NAALADL2: variants seen among roughly 807,000 people sequenced by gnomAD.
The protein encoded by NAALADL2 is N-acetylated alpha-linked acidic dipeptidase like 2.
Under a neutral mutation model 87.2 loss-of-function variants are expected in NAALADL2, and 76 were observed. That is an observed-to-expected ratio of 0.87 (90% confidence interval 0.72 to 1.05). The LOEUF (loss-of-function observed/expected upper bound fraction) is 1.05, where lower values mean the gene tolerates loss of function less well. Ranked by LOEUF, NAALADL2 falls within the 50% of genes least tolerant of loss-of-function variation. The pLI, the probability that NAALADL2 is intolerant of heterozygous loss-of-function variation, is 0.00. For synonymous variants in NAALADL2, 354 were observed against 331.0 expected (o/e 1.07, Z -0.75); for missense variants, 1,089 against 945.8 (o/e 1.15, Z -1.99).
chr3:174,654,143 C>A (rs376081726), intron 2 of NAALADL2, among the ~76,000 whole-genome samples: 1 of 151,340 alleles, frequency 6.6e-6, no homozygotes, highest in African/African-American at 2.4e-5. Context: ...GGCTAAATTT[C>A]TCTTGGCATA....
rs981115970 is a variant in NAALADL2 at position 175,364,321 on chromosome 3, A to G, written c.1090+39996A>G. 6.1e-5 allele frequency among the ~76,000 whole-genome samples: 9 copies of G among 147,838 alleles called. 2 individuals are homozygous for G. The highest frequency in any genetic ancestry group is 1.2e-4 in the Non-Finnish European group (8 of 66,496). Reference sequence around the variant, plus strand: ...AAAAGAACAGTTCCACTTTAAGACCATCAGTGGTGAATACTGAAAATCAAA... The same window carrying G: ...AAAAGAACAGTTCCACTTTAAGACCGTCAGTGGTGAATACTGAAAATCAAA... On this transcript the variant is annotated intron_variant, in intron 5 of 13. Coordinates refer to ENST00000454872, the MANE Select transcript of NAALADL2 (RefSeq NM_207015.3).
chr3:174,693,936 G>T (rs1367786917), intron 2 of NAALADL2, among the ~76,000 whole-genome samples: 1 of 152,104 alleles, frequency 6.6e-6, no homozygotes, highest in African/African-American at 2.4e-5. Context: ...GAATATCAAA[G>T]AATCCATTTG....
At chr3:174,972,689 T>C (rs149967127) in intron 1 of NAALADL2, among the ~76,000 whole-genome samples, 327 of 152,170 alleles carry the variant, frequency 2.1e-3, no homozygotes, top group Non-Finnish European at 3.7e-3. Context: ...ACAAAGGGTT[T>C]TGGTTGAATA....
intron 4 of NAALADL2, among the ~76,000 whole-genome samples, chr3:175,292,621 C>CACACAA (rs759687998): frequency 4.1e-4 from 62 of 151,782 alleles, no homozygotes; most frequent in African/African-American, 1.4e-3. Flanking sequence ...CACACACACA[C>CACACAA]ACCTGAGGGG....
chr3:175,316,776 G>A (rs890088615), intron 4 of NAALADL2, among the ~76,000 whole-genome samples: 1 of 152,122 alleles, frequency 6.6e-6, no homozygotes, highest in Non-Finnish European at 1.5e-5. Context: ...CCCAACCTCA[G>A]CATGTTCAAA....
At chr3:174,752,177 G>A (rs1205695751) in intron 3 of NAALADL2, among the ~76,000 whole-genome samples, 3 of 151,700 alleles carry the variant, frequency 2.0e-5, no homozygotes, top group South Asian at 2.1e-4. Context: ...GGGTTTCACC[G>A]TTTTAGCCAG....
At chr3:175,184,614 A>T (rs1486747873) in intron 2 of NAALADL2, among the ~76,000 whole-genome samples, 4 of 151,986 alleles carry the variant, frequency 2.6e-5, no homozygotes, top group South Asian at 4.1e-4. Flanking sequence ...GAAGATAATT[A>T]AAGTTACTTC....
intron 13 of NAALADL2, among the ~76,000 whole-genome samples, chr3:175,788,625 A>G (rs1752400756): frequency 6.6e-6 from 1 of 152,206 alleles, no homozygotes; most frequent in South Asian, 2.1e-4. Context: ...TTGCACAATA[A>G]TGAAATCATA....
chr3:175,620,176 C>G (rs1156389368), intron 10 of NAALADL2, among the ~76,000 whole-genome samples: 2 of 152,302 alleles, frequency 1.3e-5, no homozygotes, highest in East Asian at 3.9e-4. Flanking sequence ...TTTGGTGCCA[C>G]TTTGCCAGCC....
At chr3:175,360,292 T>G (rs1764837909) in intron 5 of NAALADL2, among the ~76,000 whole-genome samples, 1 of 152,156 alleles carries the variant, frequency 6.6e-6, no homozygotes, top group Admixed American at 6.6e-5. Flanking sequence ...CTTTCATGAA[T>G]TATTTCCCAA....
At chr3:174,443,479 G>A (rs976975375) in intron 1 of NAALADL2, among the ~76,000 whole-genome samples, 1 of 152,108 alleles carries the variant, frequency 6.6e-6, no homozygotes, top group Admixed American at 6.5e-5. Context: ...GATGTAATTG[G>A]GATTAAGAAT....
intron 1 of NAALADL2, among the ~76,000 whole-genome samples, chr3:174,513,236 A>C (rs1236677522): frequency 6.6e-6 from 1 of 151,998 alleles, no homozygotes; most frequent in African/African-American, 2.4e-5. Context: ...CTGGGATTAC[A>C]CTTCCCTGGG....
chr3:174,753,401 A>T (rs764519641), intron 3 of NAALADL2, among the ~76,000 whole-genome samples: 54 of 152,122 alleles, frequency 3.5e-4, no homozygotes, highest in Non-Finnish European at 6.8e-4. Flanking sequence ...TAAGGATTTT[A>T]TTCTAAAATT....
intron 10 of NAALADL2, among the ~76,000 whole-genome samples, chr3:175,585,932 T>A (rs2149587712): frequency 6.6e-6 from 1 of 152,304 alleles, no homozygotes. Flanking sequence ...CCACATTTCT[T>A]TGAGTAGAAT....
intron 2 of NAALADL2, among the ~76,000 whole-genome samples, chr3:174,592,383 G>A (rs376671659): frequency 9.9e-5 from 15 of 152,162 alleles, no homozygotes; most frequent in African/African-American, 3.1e-4. Flanking sequence ...TCATCATTTA[G>A]CATTAGGTAT....
chr3:174,796,042 AT>A (rs1718042563), intron 3 of NAALADL2, among the ~76,000 whole-genome samples: 3 of 152,168 alleles, frequency 2.0e-5, no homozygotes, highest in Admixed American at 2.0e-4. Flanking sequence ...TAAATAGGTA[AT>A]TAAGATCAAT....
chr3:174,938,071 T>C (rs1172515620), intron 1 of NAALADL2, among the ~76,000 whole-genome samples: 3 of 152,036 alleles, frequency 2.0e-5, no homozygotes, highest in African/African-American at 7.2e-5. Flanking sequence ...AGGTTTGTTA[T>C]ACAGGTAAAC....
intron 10 of NAALADL2, among the ~76,000 whole-genome samples, chr3:175,595,709 A>G (rs1722162237): frequency 6.6e-6 from 1 of 151,994 alleles, no homozygotes; most frequent in Non-Finnish European, 1.5e-5. Flanking sequence ...TAGAAAGAGA[A>G]GTATAAAACA....
rs140655250 is a variant in NAALADL2, at chr3:174,773,717, C to T, written c.-9+35971C>T. ...AAGCTTTCCATCAACACTTATTTTG[C>T]GTTTTAGAGTACCCAACGTTTAAAG... On this transcript the variant is annotated intron_variant, in intron 3 of 3. Coordinates refer to the NAALADL2 transcript ENST00000434257. Among the ~76,000 whole-genome samples the T allele has an allele frequency of 3.5e-4, 54 of 152,156 alleles. No individual in the cohort carries two copies. The East Asian group carries it at 4.5e-3, about 13-fold the overall frequency.
Sources: allele counts gnomAD v4.1 joint callset (sites outside exome capture counted in the v4.1 genomes callset), GRCh38; gene constraint gnomAD v4.1.1; transcripts MANE v1.5; gene names NCBI Gene and HGNC (gene_info 2026-07-23, HGNC 2026-07-21).